Variants in TMEM223 observed in about 807,000 individuals in gnomAD.
TMEM223 encodes the protein transmembrane protein 223.
TMEM223 carries 14 observed loss-of-function variants against 14.1 expected under a neutral mutation model. That is an observed-to-expected ratio of 0.99 (90% CI 0.66 to 1.55). TMEM223 has a LOEUF of 1.55. Ranked by LOEUF, TMEM223 falls within the 40% of genes most tolerant of loss-of-function variation. The pLI is 0.00. For synonymous variants in TMEM223, 145 were observed against 120.5 expected (o/e 1.20, Z -1.33); for missense variants, 346 against 269.9 (o/e 1.28, Z -1.97).
intron 1 of TMEM223, chr11:62,776,314 C>T: frequency 1.3e-6 from 2 of 1,525,484 alleles, no homozygotes; most frequent in East Asian, 4.5e-5. Flanking sequence ...GTCTGGCCCA[C>T]TTCATTTGGG....
chr11:62,781,747 TATAGAAATAGA>T, intron 1 of TMEM223: 1 of 729,180 alleles, frequency 1.4e-6, no homozygotes, highest in South Asian at 1.6e-5. Context: ...AGGTTACATT[TATAGAAATAGA>T]ATTGCTAGAT....
downstream of TMEM223, among the ~76,000 whole-genome samples, chr11:62,788,706 T>C (rs1037125749): frequency 6.8e-6 from 1 of 148,088 alleles, no homozygotes; most frequent in Non-Finnish European, 1.5e-5. Context: ...ACCTCACAGA[T>C]AGTTATTTGT....
chr11:62,789,276 G>A (rs746192230), downstream of TMEM223: 6 of 1,614,096 alleles, frequency 3.7e-6, no homozygotes, highest in Non-Finnish European at 5.1e-6. Flanking sequence ...CACAAGGCTT[G>A]TTCTCTCCCT....
intron 2 of TMEM223, chr11:62,772,237 C>A: frequency 1.2e-5 from 5 of 422,414 alleles, no homozygotes; most frequent in South Asian, 8.4e-5. Context: ...CAGTGCTATT[C>A]GTGGCCGGGC....
rs552447048 is a variant in TMEM223 at position 62,792,002 on chromosome 11, C to A, written c.-8G>T. The A allele has an allele frequency of 1.3e-6, 2 of 1,517,568 alleles. No homozygotes were observed. Among genetic ancestry groups the A allele is most frequent in the Non-Finnish European group, 1.8e-6 (2 of 1,127,904 alleles). The allele number at this position is 1,517,568 out of a possible 1,614,324, so 94.0% of individuals were successfully genotyped here. ...CCTCCAAGGCGCCGCCATGGCCAGC[C>A]GACTTCCGGGGTGGGGCTTCCTGCC... On this transcript the variant is annotated 5_prime_UTR_variant, in exon 1 of 2. Coordinates refer to ENST00000307366, the MANE Select transcript of TMEM223 (RefSeq NM_001080501.3).
downstream of TMEM223, chr11:62,787,667 C>A: frequency 2.6e-6 from 3 of 1,135,834 alleles, no homozygotes; most frequent in Non-Finnish European, 3.6e-6. Context: ...CGGCCTGTAC[C>A]TGAAATGCAG....
At chr11:62,789,873 C>G, downstream of TMEM223, 1 of 1,610,690 alleles carries the variant, frequency 6.2e-7, no homozygotes, top group African/African-American at 1.3e-5. Context: ...GATCCTGTCC[C>G]TGTCTCCTAC....
intron 1 of TMEM223, among the ~76,000 whole-genome samples, chr11:62,777,779 C>T (rs1448508235): frequency 2.0e-5 from 3 of 152,192 alleles, no homozygotes; most frequent in African/African-American, 7.2e-5. Flanking sequence ...TGTTCTTTCC[C>T]TTGACCCAGG....
At chr11:62,789,314 G>A (rs765934571), downstream of TMEM223, 1 of 1,614,012 alleles carries the variant, frequency 6.2e-7, no homozygotes, top group Non-Finnish European at 8.5e-7. Flanking sequence ...GCTGCGCATT[G>A]CACTGGCCAT....
downstream of TMEM223, chr11:62,782,741 C>T (rs144578234): frequency 3.2e-5 from 51 of 1,612,752 alleles, no homozygotes; most frequent in African/African-American, 6.4e-4. Context: ...TCCTGCTATC[C>T]CTGCAGAAGA....
chr11:62,780,292 C>T (rs778723409), intron 1 of TMEM223, among the ~76,000 whole-genome samples: 60 of 150,776 alleles, frequency 4.0e-4, no homozygotes, highest in Non-Finnish European at 6.8e-4. Context: ...AGGTGGATCA[C>T]CTGAGGTCAG....
intron 1 of TMEM223, chr11:62,775,927 G>A (rs766199228): frequency 6.2e-6 from 10 of 1,607,236 alleles, no homozygotes; most frequent in South Asian, 2.2e-5. Context: ...GAGAGGCCAC[G>A]CAGGTACACT....
chr11:62,786,373 C>G, downstream of TMEM223: 1 of 1,614,082 alleles, frequency 6.2e-7, no homozygotes. Flanking sequence ...GACACAAAGT[C>G]TATGGAGCCA....
chr11:62,773,572 C>T (rs577380795), intron 2 of TMEM223, among the ~76,000 whole-genome samples: 41 of 151,934 alleles, frequency 2.7e-4, no homozygotes, highest in Non-Finnish European at 5.4e-4. Context: ...CTCAGCCTTG[C>T]GAGTAGCTGG....
Position 62,790,509 on chromosome 11 carries a change from G to C in TMEM223, c.*114C>G, listed in dbSNP as rs2084348230. 2 of 1,006,554 alleles carry C rather than the reference G, an allele frequency of 2.0e-6. No homozygotes were observed. Among genetic ancestry groups the C allele is most frequent in the Non-Finnish European group, 2.9e-6 (2 of 694,892 alleles). The allele number at this position is 1,006,554 out of a possible 1,614,324, so 62.4% of individuals were successfully genotyped here. On this transcript the variant is annotated 3_prime_UTR_variant, in exon 2 of 2. Coordinates refer to ENST00000307366, the MANE Select transcript of TMEM223 (RefSeq NM_001080501.3). ...CAGCCTGGGCTCGAGCAGTGCTCCT[G>C]CCTCACCCTCCCAAAGTGCTGGGAT...
intron 1 of TMEM223, chr11:62,776,279 TG>T: frequency 8.9e-7 from 1 of 1,121,734 alleles, no homozygotes; most frequent in Non-Finnish European, 1.3e-6. Flanking sequence ...TCCCTAAGCG[TG>T]GTCTCCTGTT....
In TMEM223 at chr11:62,790,299, C is replaced by T. The variant is rs1187282972; in HGVS notation, c.*324G>A. On this transcript the variant is annotated 3_prime_UTR_variant, in exon 2 of 2. Coordinates refer to ENST00000307366, the MANE Select transcript of TMEM223 (RefSeq NM_001080501.3). ...ACTAGATAGGAGGAAGGAGTGAAGG[C>T]TAAGCAGACATGGACTGAAACTTAG... is the stretch of plus-strand genomic sequence containing the variant. 1.8e-6 allele frequency: 1 copy of T among 549,278 alleles called. No individual in the cohort carries two copies. Among genetic ancestry groups the T allele is most frequent in the African/African-American group, 1.9e-5 (1 of 52,930 alleles). 34.0% of individuals were successfully genotyped at this position (549,278 alleles called of 1,614,324 possible).
downstream of TMEM223, chr11:62,788,952 A>T (rs1187748937): frequency 6.7e-7 from 1 of 1,489,648 alleles, no homozygotes; most frequent in Non-Finnish European, 9.1e-7. Context: ...AGTTATCACT[A>T]ACACCCTACC....
chr11:62,776,851 A>T (rs1358215668), intron 1 of TMEM223, among the ~76,000 whole-genome samples: 2 of 125,870 alleles, frequency 1.6e-5, no homozygotes. Flanking sequence ...TCAAAAAAAG[A>T]AAAAAAAAAA....
Sources: gnomAD v4.1 joint callset for allele counts (sites outside exome capture counted in the v4.1 genomes callset) on GRCh38, gnomAD v4.1.1 for gene constraint, MANE v1.5 for transcripts, NCBI Gene and HGNC (gene_info 2026-07-23, HGNC 2026-07-21) for gene names.